The following RTN1 variants were observed in gnomAD, a reference collection of about 807,000 sequenced individuals.
RTN1 encodes reticulon-1.
RTN1 carries 25 observed loss-of-function variants against 65.5 expected under a neutral mutation model. That is an observed-to-expected ratio of 0.38 (90% CI 0.28 to 0.53). The LOEUF is 0.53. RTN1 is among the 20% of genes least tolerant of loss of function. The pLI is 0.79. For missense variants in RTN1, 983 were observed against 1,025.4 expected (o/e 0.96, Z 0.57); for synonymous variants, 471 against 447.6 (o/e 1.05, Z -0.66).
intron 3 of RTN1, among the ~76,000 whole-genome samples, chr14:59,708,073 A>C (rs1884336774): frequency 2.0e-5 from 3 of 152,246 alleles, no homozygotes; most frequent in Non-Finnish European, 4.4e-5. Context: ...AAAAACATAC[A>C]GATGAAAAAT....
chr14:59,714,637 C>T (rs1884496133), intron 3 of RTN1, among the ~76,000 whole-genome samples: 1 of 152,196 alleles, frequency 6.6e-6, no homozygotes, highest in African/African-American at 2.4e-5. Context: ...CAGAGCTTCA[C>T]CTGGCTGCAA....
intron 1 of RTN1, among the ~76,000 whole-genome samples, chr14:59,798,230 T>C (rs747288619): frequency 1.3e-5 from 2 of 152,220 alleles, no homozygotes; most frequent in Admixed American, 6.5e-5. Flanking sequence ...ACAATATTAT[T>C]CTAAGATTTG....
chr14:59,655,890 G>T (rs983410566), intron 3 of RTN1, among the ~76,000 whole-genome samples: 1 of 152,082 alleles, frequency 6.6e-6, no homozygotes, highest in African/African-American at 2.4e-5. Context: ...ATTCTTCAAA[G>T]AAAACAAAGG....
At chr14:59,741,354 C>T (rs527328787) in intron 2 of RTN1, among the ~76,000 whole-genome samples, 70 of 152,178 alleles carry the variant, frequency 4.6e-4, no homozygotes, top group Non-Finnish European at 8.8e-4. Flanking sequence ...TCACCCCCAC[C>T]GCCACCACTC....
chr14:59,839,056 T>G (rs1393087952), intron 1 of RTN1, among the ~76,000 whole-genome samples: 1 of 152,146 alleles, frequency 6.6e-6, no homozygotes, highest in Non-Finnish European at 1.5e-5. Context: ...CAAAAACTAT[T>G]TTACTAGCAA....
In RTN1 at chr14:59,750,108, T is replaced by A. The variant is rs1192932332; in HGVS notation, c.242-3627A>T. ...AGACATATATATTATATATTATATATTATATATAATATATATTATCTATAA... is the reference window on the plus strand; with the variant it reads ...AGACATATATATTATATATTATATAATATATATAATATATATTATCTATAA... On this transcript the variant is annotated intron_variant, in intron 1 of 8. Transcript: ENST00000267484. Among the ~76,000 whole-genome samples the A allele has an allele frequency of 9.3e-5, 5 of 53,848 alleles. 1 individual carries two copies. The highest frequency in any genetic ancestry group is 4.6e-4 in the East Asian group (1 of 2,164). The allele number at this position is 53,848 out of a possible 152,430, so 35.3% of individuals were successfully genotyped here. A position where few individuals can be genotyped will look rare whatever the true frequency, so the allele number is the denominator to read the frequency against.
At chr14:59,611,660 G>A (rs182522516) in intron 3 of RTN1, among the ~76,000 whole-genome samples, 10 of 152,280 alleles carry the variant, frequency 6.6e-5, no homozygotes, top group Non-Finnish European at 1.2e-4. Flanking sequence ...GCAATTTGGG[G>A]GGTCTCAGTT....
chr14:59,739,123 C>T (rs1044817106), intron 2 of RTN1, among the ~76,000 whole-genome samples: 1 of 151,850 alleles, frequency 6.6e-6, no homozygotes, highest in African/African-American at 2.4e-5. Flanking sequence ...TATATAAAAA[C>T]CTGCACATCC....
rs149943890 is a variant in RTN1, at chr14:59,741,916, C to A, written c.1015+3792G>T. Among the ~76,000 whole-genome samples the A allele has an allele frequency of 4.7e-3, 717 of 152,296 alleles. 4 individuals carry two copies. Among genetic ancestry groups the A allele is most frequent in the African/African-American group, 0.017 (688 of 41,552 alleles). The stretch of plus-strand genomic sequence containing the variant: ...CAGTCCTTGGACCCCTCACACCCAA[C>A]CCTCTATCACTCTTTCTAGTGCTCA... On this transcript the variant is annotated intron_variant, in intron 2 of 8. Coordinates refer to ENST00000267484, the MANE Select transcript of RTN1 (RefSeq NM_021136.3).
chr14:59,620,373 C>A (rs1882223146), intron 3 of RTN1, among the ~76,000 whole-genome samples: 1 of 152,104 alleles, frequency 6.6e-6, no homozygotes, highest in South Asian at 2.1e-4. Context: ...TTGTCCAATA[C>A]AGTAGCAATG....
At chr14:59,648,914 AT>A (rs1882960084) in intron 3 of RTN1, among the ~76,000 whole-genome samples, 1 of 152,176 alleles carries the variant, frequency 6.6e-6, no homozygotes, top group South Asian at 2.1e-4. Flanking sequence ...CCTATTCAAC[AT>A]AGTATTGGAT....
At chr14:59,779,791 T>A (rs1886119659) in intron 1 of RTN1, among the ~76,000 whole-genome samples, 1 of 152,138 alleles carries the variant, frequency 6.6e-6, no homozygotes. Flanking sequence ...ACTTAAATTG[T>A]CTATATGTTG....
intron 1 of RTN1, among the ~76,000 whole-genome samples, chr14:59,842,167 T>C (rs1374979795): frequency 6.7e-6 from 1 of 150,040 alleles, no homozygotes; most frequent in African/African-American, 2.4e-5. Flanking sequence ...AGAAAGCAAG[T>C]AGAGCAGGTA....
chr14:59,870,622 C>T lies in RTN1; in HGVS notation c.9G>A (p.Ala3=). MA[A]PGDPQDELLP... is the part of the protein sequence containing the mutation. ...GCAGCTCGTCCTGCGGATCCCCCGG[C>T]GCGGCCATGGCTGGCGGTCCCCCGG... is the stretch of plus-strand genomic sequence containing the variant. Residue 3 remains alanine (A), a synonymous_variant, in exon 1 of 9, where the codon GCG becomes GCA. Transcript: ENST00000267484. The surrounding 1 kb of genome is among the most constrained non-coding windows in gnomAD (Gnocchi z 5.1). The T allele has an allele frequency of 2.8e-6, 4 of 1,417,564 alleles. No individual in the cohort carries two copies. Among genetic ancestry groups the T allele is most frequent in the Non-Finnish European group, 3.7e-6 (4 of 1,090,074 alleles). The allele number at this position is 1,417,564 out of a possible 1,614,324, so 87.8% of individuals were successfully genotyped here. A position where few individuals can be genotyped will look rare whatever the true frequency, so the allele number is the denominator to read the frequency against.
chr14:59,680,724 C>T (rs1365912849), intron 3 of RTN1, among the ~76,000 whole-genome samples: 1 of 152,032 alleles, frequency 6.6e-6, no homozygotes, highest in Non-Finnish European at 1.5e-5. Context: ...TTGAAATGAA[C>T]ACAAAGCCTT....
intron 3 of RTN1, among the ~76,000 whole-genome samples, chr14:59,710,041 C>T (rs1884382778): frequency 2.4e-5 from 3 of 122,624 alleles, no homozygotes; most frequent in African/African-American, 6.6e-5. Context: ...CTCCCTCTTT[C>T]TTTCTTTTTT....
chr14:59,698,428 T>G (rs1174234882), intron 3 of RTN1, among the ~76,000 whole-genome samples: 1 of 152,138 alleles, frequency 6.6e-6, no homozygotes, highest in East Asian at 1.9e-4. Flanking sequence ...TAAGGTGATA[T>G]AGTTTGGCTG....
intron 3 of RTN1, among the ~76,000 whole-genome samples, chr14:59,686,977 T>G (rs1294940181): frequency 6.6e-6 from 1 of 152,044 alleles, no homozygotes; most frequent in Non-Finnish European, 1.5e-5. Flanking sequence ...TGCTCTGGAG[T>G]TGGGTAGTGG....
chr14:59,759,812 T>A (rs1885713041), intron 1 of RTN1, among the ~76,000 whole-genome samples: 1 of 152,168 alleles, frequency 6.6e-6, no homozygotes, highest in Admixed American at 6.5e-5. Flanking sequence ...TGACATTTCT[T>A]CCTTATCAGT....
Sources: gnomAD v4.1 joint callset for allele counts (sites outside exome capture counted in the v4.1 genomes callset) on GRCh38, gnomAD v4.1.1 for gene constraint, Gnocchi (gnomAD v3.1) non-coding constraint, MANE v1.5 for transcripts, NCBI Gene and HGNC (gene_info 2026-07-23, HGNC 2026-07-21) for gene names.